Variants in TMEM132C observed in about 807,000 individuals in gnomAD.
TMEM132C encodes the protein transmembrane protein 132C.
Under a neutral mutation model 61.4 loss-of-function variants are expected in TMEM132C, and 29 were observed. The observed-to-expected ratio is 0.47, with a 90% CI of 0.35 to 0.64. The LOEUF (loss-of-function observed/expected upper bound fraction) is 0.64. TMEM132C is among the 30% of genes least tolerant of loss of function. TMEM132C has a pLI of 0.00. For synonymous variants in TMEM132C, 656 were observed against 633.1 expected (o/e 1.04, Z -0.54); for missense variants, 1,408 against 1,476.9 (o/e 0.95, Z 0.76).
At position 128,693,929 on chromosome 12, in the gene TMEM132C, T is replaced by C; in HGVS notation, c.1550T>C (p.Leu517Pro). 1.9e-6 allele frequency: 3 copies of C among 1,551,746 alleles called. No homozygotes were observed. The highest frequency in any genetic ancestry group is 2.6e-6 in the Non-Finnish European group (3 of 1,147,008). ...NFTYQYLSAP[L>P]CVTVWVPRLP... ...ACATACCAGTACCTGAGCGCCCCCC[T>C]GTGTGTCACCGTGTGGGTGCCCCGG... Residue 517 changes from leucine (L) to proline (P), a missense_variant, in exon 6 of 9, where the codon CTG (leucine) becomes CCG (proline). By Grantham distance (98) the Leu-to-Pro change is moderately conservative. Coordinates refer to ENST00000435159, the MANE Select transcript of TMEM132C (RefSeq NM_001136103.3).
rs144921960 is a variant in TMEM132C, at chr12:128,677,215, G to A, written c.1449+7655G>A. 2.1e-3 allele frequency among the ~76,000 whole-genome samples: 321 copies of A among 152,244 alleles called. 4 individuals carry two copies. Among genetic ancestry groups the A allele is most frequent in the African/African-American group, 7.3e-3 (305 of 41,530 alleles). On this transcript the variant is annotated intron_variant, in intron 5 of 8. Coordinates refer to ENST00000435159, the MANE Select transcript of TMEM132C (RefSeq NM_001136103.3). ...ATTACCTGGCAGTGGTTTTCTTAGT[G>A]TGGTGTCATAGATTTAGCAATATCC... is the stretch of plus-strand genomic sequence containing the variant.
At chr12:128,455,580 C>T (rs1214305213) in intron 2 of TMEM132C, among the ~76,000 whole-genome samples, 1 of 152,174 alleles carries the variant, frequency 6.6e-6, no homozygotes, top group East Asian at 1.9e-4. Flanking sequence ...GCTCCTTACT[C>T]CCATTGCTGG....
chr12:128,424,149 A>G (rs1347327188), intron 2 of TMEM132C, among the ~76,000 whole-genome samples: 3 of 151,228 alleles, frequency 2.0e-5, no homozygotes, highest in African/African-American at 7.3e-5. Context: ...ACAGATTCCC[A>G]TGGGAGGGTG....
intron 4 of TMEM132C, among the ~76,000 whole-genome samples, chr12:128,622,360 A>AAAAAAAAATATAT (rs1277080166): frequency 1.3e-4 from 4 of 30,124 alleles, no homozygotes; most frequent in East Asian, 1.1e-3. Flanking sequence ...AAAAAAAAAA[A>AAAAAAAAATATAT]ATATATATAT....
chr12:128,400,585 A>C (rs1177948400), intron 1 of TMEM132C, among the ~76,000 whole-genome samples: 1 of 129,424 alleles, frequency 7.7e-6, no homozygotes, highest in Non-Finnish European at 1.6e-5. Flanking sequence ...GATGCCCCCC[A>C]ACCCCATTCT....
intron 1 of TMEM132C, among the ~76,000 whole-genome samples, chr12:128,291,036 G>A (rs1871231674): frequency 1.3e-5 from 2 of 152,124 alleles, no homozygotes; most frequent in Admixed American, 1.3e-4. Flanking sequence ...GGAGCGTGCT[G>A]TAGGTGAGTG....
chr12:128,593,506 G>A (rs888316160), intron 3 of TMEM132C, among the ~76,000 whole-genome samples: 2 of 152,230 alleles, frequency 1.3e-5, no homozygotes, highest in African/African-American at 4.8e-5. Context: ...AATCCATGGA[G>A]CTCAGGCTTT....
intron 3 of TMEM132C, among the ~76,000 whole-genome samples, chr12:128,587,554 G>C (rs140061933): frequency 2.0e-5 from 3 of 152,206 alleles, no homozygotes; most frequent in Non-Finnish European, 4.4e-5. Context: ...CATTCAGACC[G>C]TAGCAGATGA....
intron 4 of TMEM132C, among the ~76,000 whole-genome samples, chr12:128,625,081 T>C (rs548399827): frequency 6.6e-6 from 1 of 152,336 alleles, no homozygotes; most frequent in South Asian, 2.1e-4. Context: ...GCAGGGGTCC[T>C]GAGGTGGAGA....
intron 1 of TMEM132C, among the ~76,000 whole-genome samples, chr12:128,366,083 T>C (rs978762765): frequency 2.6e-5 from 4 of 152,176 alleles, no homozygotes; most frequent in Non-Finnish European, 5.9e-5. Context: ...CACTTCCCTT[T>C]GCGGGGCTCA....
Position 128,696,218 on chromosome 12 carries a change from G to T in TMEM132C, c.1929+115G>T, listed in dbSNP as rs931417. 4.8e-4 allele frequency: 668 copies of T among 1,379,486 alleles called. 3 individuals are homozygous for T. The African/African-American group carries it at 6.5e-3, about 13-fold the overall frequency. The allele number at this position is 1,379,486 out of a possible 1,614,324, so 85.5% of individuals were successfully genotyped here. On this transcript the variant is annotated intron_variant, in intron 7 of 8. Coordinates refer to ENST00000435159, the MANE Select transcript of TMEM132C (RefSeq NM_001136103.3). Reference sequence around the variant, plus strand: ...ATTCCCCAACCCATGTGTATCATGGGAACACAGGAAGATGAGCCCAGGCCA... The same window carrying T: ...ATTCCCCAACCCATGTGTATCATGGTAACACAGGAAGATGAGCCCAGGCCA...
chr12:128,324,838 T>TA (rs1243829083), intron 1 of TMEM132C, among the ~76,000 whole-genome samples: 2 of 152,026 alleles, frequency 1.3e-5, no homozygotes, highest in Non-Finnish European at 2.9e-5. Context: ...AAAAAAATTT[T>TA]AAAAAAAATG....
At chr12:128,329,943 C>T (rs1024827386) in intron 1 of TMEM132C, among the ~76,000 whole-genome samples, 2 of 152,208 alleles carry the variant, frequency 1.3e-5, no homozygotes, top group African/African-American at 2.4e-5. Context: ...GTGACAGCCT[C>T]GGTGCTAGAT....
Position 128,402,973 on chromosome 12 carries a change from G to T in TMEM132C, c.86-11759G>T, listed in dbSNP as rs193019639. On this transcript the variant is annotated intron_variant, in intron 1 of 8. Transcript: ENST00000435159. ...TGGAGCGCTCCCAGAGAAAAGGGGG[G>T]AACTATCCCCCCAGGGGCTCAGAGG... Among the ~76,000 whole-genome samples, 114 of 152,270 alleles carry T rather than the reference G, an allele frequency of 7.5e-4. 1 individual carries two copies. Among genetic ancestry groups the T allele is most frequent in the African/African-American group, 2.6e-3 (106 of 41,556 alleles).
intron 3 of TMEM132C, among the ~76,000 whole-genome samples, chr12:128,576,359 A>G (rs1875094943): frequency 6.6e-6 from 1 of 152,196 alleles, no homozygotes; most frequent in Non-Finnish European, 1.5e-5. Context: ...ATTGAAACAG[A>G]AAAGAGCAAA....
At chr12:128,335,012 A>G (rs1296163912) in intron 1 of TMEM132C, among the ~76,000 whole-genome samples, 2 of 152,292 alleles carry the variant, frequency 1.3e-5, no homozygotes, top group African/African-American at 2.4e-5. Flanking sequence ...GGAGATTTCC[A>G]TGTTGATTTT....
intron 1 of TMEM132C, among the ~76,000 whole-genome samples, chr12:128,306,301 C>CA (rs1871780179): frequency 6.7e-6 from 1 of 149,888 alleles, no homozygotes; most frequent in Admixed American, 6.7e-5. Context: ...CCCCCGGGTT[C>CA]TGCCATACTC....
chr12:128,447,478 G>A (rs1227776815), intron 2 of TMEM132C, among the ~76,000 whole-genome samples: 1 of 152,148 alleles, frequency 6.6e-6, no homozygotes, highest in Non-Finnish European at 1.5e-5. Flanking sequence ...TATAAGGAAG[G>A]CATACAGAGG....
At chr12:128,556,282 C>A (rs796957476) in intron 3 of TMEM132C, among the ~76,000 whole-genome samples, 3 of 152,254 alleles carry the variant, frequency 2.0e-5, no homozygotes, top group African/African-American at 4.8e-5. Context: ...GACTACCTAC[C>A]ATGGAGGAAA....
Sources: gnomAD v4.1 joint callset for allele counts (sites outside exome capture counted in the v4.1 genomes callset) on GRCh38, gnomAD v4.1.1 for gene constraint, MANE v1.5 for transcripts, NCBI Gene and HGNC (gene_info 2026-07-23, HGNC 2026-07-21) for gene names.